The following DNAJC13 variants were observed in gnomAD, a reference collection of about 807,000 sequenced individuals.
DNAJC13 encodes DnaJ heat shock protein family (Hsp40) member C13.
In DNAJC13, 75 loss-of-function variants were observed where a neutral mutation model predicts 290.5. The observed-to-expected ratio is 0.26, with a 90% CI of 0.21 to 0.31. The LOEUF (loss-of-function observed/expected upper bound fraction) is 0.31. Ranked by LOEUF, DNAJC13 falls within the 10% of genes least tolerant of loss-of-function variation. DNAJC13 has a pLI of 1.00. For synonymous variants in DNAJC13, 862 were observed against 892.0 expected (o/e 0.97, Z 0.60); for missense variants, 2,260 against 2,674.5 (o/e 0.85, Z 3.42).
chr3:132,492,225 A>C (rs373766160), intron 32 of DNAJC13, among the ~76,000 whole-genome samples, 189 bp from the exon 33 acceptor site: 1 of 152,086 alleles, frequency 6.6e-6, no homozygotes. Flanking sequence ...GATGAGTATC[A>C]TAGATAAGTT....
chr3:132,426,635 T>C (rs1370694207), intron 1 of DNAJC13, among the ~76,000 whole-genome samples: 1 of 152,224 alleles, frequency 6.6e-6, no homozygotes, highest in Non-Finnish European at 1.5e-5. Context: ...GAGCTTCTGA[T>C]ACTAGAAATT....
chr3:132,450,744 A>G lies in DNAJC13; in HGVS notation c.434A>G (p.Asn145Ser), dbSNP rs559364378. Residue 145 changes from asparagine (N) to serine (S), a missense_variant, in exon 6 of 56, where the codon AAC becomes AGC. By Grantham distance (46) the Asn-to-Ser change is conservative. This residue lies in a region of DNAJC13 where 762 missense variants were observed against 964.1 expected (regional missense o/e 0.79). Coordinates refer to ENST00000260818, the MANE Select transcript of DNAJC13 (RefSeq NM_015268.4). ...TTTGACCAAATTAATCCTGCAACCA[A>G]CAGAGTACTCTGTTCCTATGACTAT... Reference protein sequence around the residue: ...GGFDQINPATNRVLCSYDYRN... With the variant: ...GGFDQINPATSRVLCSYDYRN... The G allele has an allele frequency of 6.8e-6, 11 of 1,612,354 alleles. No individual in the cohort carries two copies. The South Asian group carries it at 8.8e-5, about 13-fold the overall frequency.
intron 2 of DNAJC13, among the ~76,000 whole-genome samples, chr3:132,441,435 GA>G (rs953271345): frequency 3.9e-5 from 6 of 152,312 alleles, no homozygotes; most frequent in African/African-American, 1.4e-4. Context: ...TGTGTTATGA[GA>G]TCTAGAGTGT....
At chr3:132,460,955 C>A in intron 14 of DNAJC13, 95 bp from the exon 15 acceptor site, 1 of 1,176,040 alleles carries the variant, frequency 8.5e-7, no homozygotes, top group Non-Finnish European at 1.2e-6. Context: ...TGATGTCTGA[C>A]ATATAGAATA....
At chr3:132,426,835 C>A (rs1939104375) in intron 1 of DNAJC13, among the ~76,000 whole-genome samples, 1 of 151,312 alleles carries the variant, frequency 6.6e-6, no homozygotes, top group Non-Finnish European at 1.5e-5. Flanking sequence ...TAATTTGTAG[C>A]CATCAAACAT....
At chr3:132,433,951 C>A (rs538260861) in intron 1 of DNAJC13, among the ~76,000 whole-genome samples, 1 of 152,142 alleles carries the variant, frequency 6.6e-6, no homozygotes, top group African/African-American at 2.4e-5. Flanking sequence ...CTGTGGCTCA[C>A]GCCTGTAATC....
chr3:132,487,595 C>T (rs1027216568), intron 29 of DNAJC13, among the ~76,000 whole-genome samples: 6 of 116,276 alleles, frequency 5.2e-5, no homozygotes, highest in Admixed American at 2.5e-4. Context: ...GAGCATTTGA[C>T]CCCGAATTGA....
chr3:132,463,351 G>A (rs1933869595), intron 16 of DNAJC13, among the ~76,000 whole-genome samples: 1 of 152,174 alleles, frequency 6.6e-6, no homozygotes, highest in South Asian at 2.1e-4. Context: ...CTCAATGTTA[G>A]CTTCCAAAGT....
intron 48 of DNAJC13, among the ~76,000 whole-genome samples, chr3:132,519,232 T>C (rs756790202): frequency 4.6e-5 from 7 of 152,172 alleles, no homozygotes; most frequent in Non-Finnish European, 8.8e-5. Context: ...CCAAAGTAGC[T>C]CTACCATTTT....
At chr3:132,462,562 G>A in intron 16 of DNAJC13, 39 bp downstream of exon 16, 1 of 1,447,294 alleles carries the variant, frequency 6.9e-7, no homozygotes, top group Admixed American at 1.9e-5. Flanking sequence ...TTACTTGAAT[G>A]TTGATAGGCT....
rs116076474 is a variant in DNAJC13 at position 132,518,249 on chromosome 3, G to A, written c.5673+1433G>A. 4.1e-3 allele frequency among the ~76,000 whole-genome samples: 627 copies of A among 152,258 alleles called. 3 individuals carry two copies. Among genetic ancestry groups the A allele is most frequent in the African/African-American group, 0.014 (597 of 41,558 alleles). On this transcript the variant is annotated intron_variant, in intron 48 of 55. Coordinates refer to ENST00000260818, the MANE Select transcript of DNAJC13 (RefSeq NM_015268.4). ...ATTTCTGACCTTTGAAATACGTGAG[G>A]GACAAATTTTATCAAGCTGACTGTT...
chr3:132,483,223 C>T, intron 27 of DNAJC13, 152 bp from the exon 28 acceptor site: 1 of 788,544 alleles, frequency 1.3e-6, no homozygotes, highest in Non-Finnish European at 2.0e-6. Context: ...ATTTGGGTTC[C>T]TAAAGGCCTG....
chr3:132,508,989 G>A (rs1935688411), intron 43 of DNAJC13, among the ~76,000 whole-genome samples: 1 of 152,188 alleles, frequency 6.6e-6, no homozygotes, highest in Admixed American at 6.5e-5. Context: ...GGAGATTAAT[G>A]TTTTCATGCC....
chr3:132,453,720 A>G (rs777180636), intron 8 of DNAJC13, 26 bp downstream of exon 8: 9 of 1,554,032 alleles, frequency 5.8e-6, no homozygotes, highest in East Asian at 2.2e-5. Flanking sequence ...GTTAGCTTAA[A>G]TGAGATTTCT....
intron 6 of DNAJC13, among the ~76,000 whole-genome samples, chr3:132,452,186 G>A (rs1933436648): frequency 6.6e-6 from 1 of 152,170 alleles, no homozygotes; most frequent in Non-Finnish European, 1.5e-5. Flanking sequence ...TAAGGTAAAC[G>A]TTAAGGATGA....
At position 132,482,316 on chromosome 3, in the gene DNAJC13, T is replaced by C. The variant is rs754428263; in HGVS notation, c.2965T>C (p.Tyr989His). Residue 989 changes from tyrosine to histidine, a missense_variant, in exon 27 of 56, where the codon TAT (tyrosine) becomes CAT (histidine). Transcript: ENST00000260818. ...GNADKERSGP[Y>H]GFHEMQELWT... is the part of the protein sequence containing the mutation. ...CGCAGACAAAGAAAGGAGTGGCCCG[T>C]ATGGATTTCATGAGGTATGTATCTT... 1 of 1,613,500 alleles carries C rather than the reference T, an allele frequency of 6.2e-7. No individual in the cohort carries two copies. The highest frequency in any genetic ancestry group is 1.1e-5 in the South Asian group (1 of 91,076).
At chr3:132,423,138 T>C (rs1576451139) in intron 1 of DNAJC13, among the ~76,000 whole-genome samples, 1 of 151,976 alleles carries the variant, frequency 6.6e-6, no homozygotes, top group African/African-American at 2.4e-5. Flanking sequence ...CATCAAAAAA[T>C]GAAATAACTA....
At chr3:132,508,850 T>C (rs1214673914) in intron 43 of DNAJC13, among the ~76,000 whole-genome samples, 1 of 152,256 alleles carries the variant, frequency 6.6e-6, no homozygotes, top group East Asian at 1.9e-4. Flanking sequence ...CGTCTGTTTA[T>C]GGCATGTTTT....
intron 22 of DNAJC13, 57 bp from the exon 23 acceptor site, chr3:132,477,732 G>C: frequency 7.6e-7 from 1 of 1,324,500 alleles, no homozygotes; most frequent in Non-Finnish European, 1.1e-6. Flanking sequence ...ACAATTATTA[G>C]AAATTGCCAA....
Sources: gnomAD v4.1 joint callset for allele counts (sites outside exome capture counted in the v4.1 genomes callset) on GRCh38, gnomAD v4.1.1 for gene constraint, gnomAD v4.1.1 regional missense constraint, MANE v1.5 for transcripts, NCBI Gene and HGNC (gene_info 2026-07-23, HGNC 2026-07-21) for gene names.